The following MTRF1 variants were observed in gnomAD, a reference collection of about 807,000 sequenced individuals.
MTRF1 encodes peptide chain release factor 1, mitochondrial.
In MTRF1, 51 loss-of-function variants were observed where a neutral mutation model predicts 62.9. The ratio of observed to expected loss-of-function variants is 0.81; its 90% CI spans 0.65 to 1.02. The LOEUF is 1.02. MTRF1 is among the 50% of genes least tolerant of loss of function. MTRF1 has a pLI of 0.00. For missense variants in MTRF1, 446 were observed against 530.0 expected, an observed-to-expected ratio of 0.84 and a Z score of 1.56; for synonymous variants, 158 against 181.9, an observed-to-expected ratio of 0.87 and a Z score of 1.06.
At chr13:41,256,441 C>T (rs952824341) in intron 2 of MTRF1, among the ~76,000 whole-genome samples, 2 of 151,832 alleles carry the variant, frequency 1.3e-5, no homozygotes, top group African/African-American at 2.4e-5. Context: ...ATTCTCCTGC[C>T]TCAGCCTCCC....
rs115156420 is a variant in MTRF1 at position 41,251,534 on chromosome 13, A to G, written c.697+1111T>C. Among the ~76,000 whole-genome samples the G allele has an allele frequency of 4.6e-3, 704 of 152,166 alleles. 6 individuals are homozygous for G. The highest frequency in any genetic ancestry group is 0.016 in the African/African-American group (649 of 41,522). On this transcript the variant is annotated intron_variant, in intron 5 of 9. Coordinates refer to ENST00000379480, the MANE Select transcript of MTRF1 (RefSeq NM_004294.4). ...CCCACACACCAAGACCTCTCCCACC[A>G]GCATGCTGCTGCTCAGGTTGTTTCT...
At chr13:41,307,822 A>G in the MTRF1 span, among the ~76,000 whole-genome samples, 1 of 152,220 alleles carries the variant, frequency 6.6e-6, no homozygotes, top group African/African-American at 2.4e-5. Context: ...GTAATTTTTT[A>G]TAGCAATGTG....
chr13:41,283,631 C>T, the MTRF1 span, among the ~76,000 whole-genome samples: 1 of 110,618 alleles, frequency 9.0e-6, no homozygotes, highest in African/African-American at 3.6e-5. Context: ...GCTCTGTCAC[C>T]CAGGCTGGAG....
the MTRF1 span, among the ~76,000 whole-genome samples, chr13:41,309,803 C>A: frequency 6.6e-6 from 1 of 152,070 alleles, no homozygotes; most frequent in Non-Finnish European, 1.5e-5. Flanking sequence ...TTGAGACCAG[C>A]CTGACCAACA....
At chr13:41,299,243 G>C in the MTRF1 span, among the ~76,000 whole-genome samples, 1 of 151,984 alleles carries the variant, frequency 6.6e-6, no homozygotes. Context: ...GAAGAAGGGG[G>C]AGAAATTTTG....
At chr13:41,218,319 A>C (rs1328566925) in intron 9 of MTRF1, among the ~76,000 whole-genome samples, 1 of 126,232 alleles carries the variant, frequency 7.9e-6, no homozygotes. Flanking sequence ...TTGTAGAGAT[A>C]GGATTTTGCC....
chr13:41,274,115 G>C, the MTRF1 span, among the ~76,000 whole-genome samples: 153 of 152,298 alleles, frequency 1.0e-3, no homozygotes, highest in African/African-American at 3.5e-3. Flanking sequence ...TTAGCTTAGT[G>C]ATTTGGGGGC....
intron 7 of MTRF1, among the ~76,000 whole-genome samples, chr13:41,229,930 G>A (rs557145997): frequency 1.6e-4 from 25 of 152,080 alleles, no homozygotes; most frequent in Non-Finnish European, 2.4e-4. Flanking sequence ...GTGAAACTAC[G>A]TCTCTACTAA....
chr13:41,252,461 G>C (rs2039192244), intron 5 of MTRF1, 184 bp downstream of exon 5: 2 of 429,576 alleles, frequency 4.7e-6, no homozygotes, highest in South Asian at 1.3e-4. Context: ...CCTTTCTACT[G>C]TCTTCTCCTA....
At chr13:41,290,416 C>T in the MTRF1 span, among the ~76,000 whole-genome samples, 24 of 89,604 alleles carry the variant, frequency 2.7e-4, no homozygotes, top group Non-Finnish European at 4.2e-4. Context: ...TTTTCTGATA[C>T]GGAGTTTTGC....
the MTRF1 span, among the ~76,000 whole-genome samples, chr13:41,289,453 G>A: frequency 6.6e-6 from 1 of 152,106 alleles, no homozygotes; most frequent in Admixed American, 6.5e-5. Context: ...GGCCAGGCTG[G>A]TCTCGAACTC....
rs1324221991 is a variant in MTRF1 at position 41,254,634 on chromosome 13, A to G, written c.416-14T>C. ...GTTTATTTAGGCCTAAAAGCCAGAA[A>G]CAGAAATAATGATAAAGTTTTTAAA... On this transcript the variant is annotated splice_polypyrimidine_tract_variant and intron_variant, in intron 2 of 9. Transcript: ENST00000379480. 1.9e-6 allele frequency: 3 copies of G among 1,595,856 alleles called. No homozygotes were observed. The highest frequency in any genetic ancestry group is 3.4e-5 in the Admixed American group (2 of 59,594).
chr13:41,222,061 A>G (rs2033480813), intron 9 of MTRF1, among the ~76,000 whole-genome samples: 1 of 152,160 alleles, frequency 6.6e-6, no homozygotes, highest in Non-Finnish European at 1.5e-5. Context: ...ACTTTTTTAC[A>G]AGGTATATTT....
chr13:41,268,532 C>A (rs1385443927), upstream of MTRF1, among the ~76,000 whole-genome samples: 3 of 150,896 alleles, frequency 2.0e-5, no homozygotes, highest in South Asian at 4.2e-4. Flanking sequence ...GGTGACAGAG[C>A]AAGACTCTGT....
the MTRF1 span, among the ~76,000 whole-genome samples, chr13:41,300,361 C>T: frequency 6.6e-5 from 10 of 152,068 alleles, no homozygotes; most frequent in South Asian, 1.5e-3. Flanking sequence ...CCGAGGCGGG[C>T]GGATCACAAG....
chr13:41,253,859 A>G (rs1470584133), intron 3 of MTRF1, among the ~76,000 whole-genome samples: 2 of 152,198 alleles, frequency 1.3e-5, no homozygotes, highest in Non-Finnish European at 2.9e-5. Context: ...AAGCCCCTCT[A>G]TTGGATTCCC....
the MTRF1 span, among the ~76,000 whole-genome samples, chr13:41,273,712 C>T: frequency 6.6e-6 from 1 of 152,096 alleles, no homozygotes; most frequent in East Asian, 1.9e-4. Context: ...TGGTGCACAC[C>T]TGCAATCCCA....
chr13:41,218,203 C>A (rs2032320626), intron 9 of MTRF1, among the ~76,000 whole-genome samples: 1 of 150,420 alleles, frequency 6.6e-6, no homozygotes, highest in Admixed American at 6.6e-5. Flanking sequence ...GCAACCTCTG[C>A]CTCCTGGGCT....
chr13:41,260,389 G>A, intron 2 of MTRF1, 104 bp downstream of exon 2: 1 of 1,117,802 alleles, frequency 8.9e-7, no homozygotes, highest in Non-Finnish European at 1.3e-6. Flanking sequence ...GTTCAATAAA[G>A]CTTTAACTTA....
Sources: allele counts gnomAD v4.1 joint callset (sites outside exome capture counted in the v4.1 genomes callset), GRCh38; gene constraint gnomAD v4.1.1; transcripts MANE v1.5; gene names NCBI Gene and HGNC (gene_info 2026-07-23, HGNC 2026-07-21).